Variants in AFF3 observed in about 807,000 individuals in gnomAD.
AFF3 encodes ALF transcription elongation factor 3, also known as AF4/FMR2 family member 3.
Under a neutral mutation model 129.7 loss-of-function variants are expected in AFF3, and 32 were observed. That is an observed-to-expected ratio of 0.25 (90% confidence interval 0.19 to 0.33). The LOEUF is 0.33. AFF3 is among the 10% of genes least tolerant of loss of function. The pLI, the probability that AFF3 is intolerant of heterozygous loss-of-function variation, is 1.00. For missense variants in AFF3, 1,373 were observed against 1,592.0 expected, an observed-to-expected ratio of 0.86 and a Z score of 2.34; for synonymous variants, 644 against 635.4, an observed-to-expected ratio of 1.01 and a Z score of -0.20.
At chr2:100,044,972 G>A (rs1406496683) in intron 4 of AFF3, among the ~76,000 whole-genome samples, 1 of 152,228 alleles carries the variant, frequency 6.6e-6, no homozygotes, top group Non-Finnish European at 1.5e-5. Context: ...GGGGGATGTG[G>A]ACAAGACGGC....
rs1219512006 is a variant in AFF3, at chr2:99,548,899, C to T, written c.*2575G>A. On this transcript the variant is annotated 3_prime_UTR_variant, in exon 25 of 25. Transcript: ENST00000672756. ...AACTGCTGTACCAACGTGCTCCACA[C>T]GTGCTCCACAGATGAAACAAGACAG... is the stretch of plus-strand genomic sequence containing the variant. The T allele has an allele frequency of 8.7e-6, 2 of 230,872 alleles. No homozygotes were observed. The highest frequency in any genetic ancestry group is 5.7e-5 in the Admixed American group (1 of 17,668). 14.3% of individuals were successfully genotyped at this position (230,872 alleles called of 1,614,324 possible). A position where few individuals can be genotyped will look rare whatever the true frequency, so the allele number is the denominator to read the frequency against.
chr2:99,705,749 C>T (rs1677298684), intron 11 of AFF3, among the ~76,000 whole-genome samples: 1 of 151,792 alleles, frequency 6.6e-6, no homozygotes, highest in Non-Finnish European at 1.5e-5. Flanking sequence ...TGACGGGCAC[C>T]TGTAATGCCA....
chr2:99,550,667 A>G lies in AFF3; in HGVS notation c.*807T>C. The G allele has an allele frequency of 4.3e-6, 1 of 232,852 alleles. No homozygotes were observed. The highest frequency in any genetic ancestry group is 1.8e-4 in the South Asian group (1 of 5,524). The allele number at this position is 232,852 out of a possible 1,614,324, so 14.4% of individuals were successfully genotyped here. The stretch of plus-strand genomic sequence containing the variant: ...AACTTCAACTCCTAACTGAGCTCCA[A>G]CACACAGGCACTGCTACCTTAGTGT... On this transcript the variant is annotated 3_prime_UTR_variant, in exon 25 of 25. Transcript: ENST00000672756.
At chr2:99,902,238 T>A (rs929563300) in intron 7 of AFF3, among the ~76,000 whole-genome samples, 4 of 152,080 alleles carry the variant, frequency 2.6e-5, no homozygotes, top group African/African-American at 9.7e-5. Flanking sequence ...TGTAAATTCT[T>A]AAAATCTGGA....
chr2:99,971,995 CA>C (rs767462153), intron 7 of AFF3, among the ~76,000 whole-genome samples: 36 of 152,154 alleles, frequency 2.4e-4, no homozygotes, highest in Non-Finnish European at 4.7e-4. Flanking sequence ...ACAGGTGAAA[CA>C]ACTGACAACG....
intron 7 of AFF3, among the ~76,000 whole-genome samples, chr2:99,958,484 C>T (rs759455213): frequency 8.4e-6 from 1 of 119,298 alleles, no homozygotes; most frequent in Non-Finnish European, 1.8e-5. Flanking sequence ...GACTCTGTCT[C>T]GAAAAAAAAA....
At chr2:100,031,767 T>C (rs1684513673) in intron 4 of AFF3, among the ~76,000 whole-genome samples, 1 of 152,246 alleles carries the variant, frequency 6.6e-6, no homozygotes, top group African/African-American at 2.4e-5. Context: ...TAAAGTAGTA[T>C]TGGCTTATCA....
chr2:100,020,009 G>A (rs1024643377), intron 4 of AFF3, among the ~76,000 whole-genome samples: 1 of 152,078 alleles, frequency 6.6e-6, no homozygotes, highest in Non-Finnish European at 1.5e-5. Context: ...AGAATGATAG[G>A]CCCTCCCTGA....
intron 8 of AFF3, among the ~76,000 whole-genome samples, chr2:99,830,996 T>A (rs1466006488): frequency 6.6e-6 from 1 of 152,130 alleles, no homozygotes; most frequent in African/African-American, 2.4e-5. Flanking sequence ...CAAGGCACGC[T>A]CACACACACC....
Position 99,551,153 on chromosome 2 carries a change from G to GT in AFF3, c.*320_*321insA. ...TGTCTGTGATTGTGTGTGAGTGTAC[G>GT]GTGTGTGTGTGTGTGTGTGTGTGTG... On this transcript the variant is annotated 3_prime_UTR_variant, in exon 25 of 25. Coordinates refer to ENST00000672756, the MANE Select transcript of AFF3 (RefSeq NM_001386135.1). 2.3e-6 allele frequency: 1 copy of GT among 438,202 alleles called. No homozygotes were observed. Among genetic ancestry groups the GT allele is most frequent in the Admixed American group, 3.7e-5 (1 of 26,898 alleles). 27.1% of individuals were successfully genotyped at this position (438,202 alleles called of 1,614,324 possible).
At chr2:99,958,939 C>T (rs1171176986) in intron 7 of AFF3, among the ~76,000 whole-genome samples, 6 of 151,832 alleles carry the variant, frequency 4.0e-5, no homozygotes, top group African/African-American at 1.5e-4. Flanking sequence ...ATAGGGGGGC[C>T]CATCTCTATA....
chr2:100,042,376 T>G (rs1382661083), intron 4 of AFF3, among the ~76,000 whole-genome samples: 3 of 151,844 alleles, frequency 2.0e-5, no homozygotes, highest in Non-Finnish European at 4.4e-5. Context: ...AAATATATTG[T>G]TTTTTTTCTG....
chr2:100,065,061 G>A (rs982797845), intron 4 of AFF3, among the ~76,000 whole-genome samples: 2 of 152,230 alleles, frequency 1.3e-5, no homozygotes, highest in East Asian at 1.9e-4. Flanking sequence ...TATAATTCAC[G>A]CACATTTTAT....
intron 1 of AFF3, among the ~76,000 whole-genome samples, chr2:100,132,144 G>T (rs1471629574): frequency 6.6e-6 from 1 of 152,162 alleles, no homozygotes; most frequent in Non-Finnish European, 1.5e-5. Context: ...TAGACAGGAG[G>T]AATAAGTTCA....
chr2:100,065,894 A>G (rs1292510692), intron 4 of AFF3, among the ~76,000 whole-genome samples: 1 of 152,264 alleles, frequency 6.6e-6, no homozygotes, highest in Non-Finnish European at 1.5e-5. Flanking sequence ...AGAAAAGAAG[A>G]TATAAAATTA....
chr2:99,801,169 A>G (rs1337222308), intron 8 of AFF3, among the ~76,000 whole-genome samples: 2 of 152,316 alleles, frequency 1.3e-5, no homozygotes, highest in Admixed American at 1.3e-4. Flanking sequence ...TGTGAAAATG[A>G]TACTTCCTAT....
At chr2:99,695,083 T>C (rs1676063369) in intron 11 of AFF3, among the ~76,000 whole-genome samples, 1 of 152,192 alleles carries the variant, frequency 6.6e-6, no homozygotes, top group Non-Finnish European at 1.5e-5. Flanking sequence ...CAATCCAATA[T>C]GTTGTCCAAA....
At chr2:99,872,330 A>C (rs1691930995) in intron 7 of AFF3, among the ~76,000 whole-genome samples, 1 of 151,996 alleles carries the variant, frequency 6.6e-6, no homozygotes, top group East Asian at 1.9e-4. Flanking sequence ...TCTGAGTCCA[A>C]ACCTATTTGT....
chr2:99,665,297 A>G (rs551441730), intron 12 of AFF3, among the ~76,000 whole-genome samples: 2 of 152,354 alleles, frequency 1.3e-5, no homozygotes, highest in African/African-American at 2.4e-5. Context: ...TAGAAATACA[A>G]TAGTTTATAC....
Sources: allele counts gnomAD v4.1 joint callset (sites outside exome capture counted in the v4.1 genomes callset), GRCh38; gene constraint gnomAD v4.1.1; transcripts MANE v1.5; gene names NCBI Gene and HGNC (gene_info 2026-07-23, HGNC 2026-07-21).